PTPRN2: variants seen among roughly 807,000 people sequenced by gnomAD.
The protein encoded by PTPRN2 is receptor-type tyrosine-protein phosphatase N2.
Under a neutral mutation model 118.8 loss-of-function variants are expected in PTPRN2, and 74 were observed. That is an observed-to-expected ratio of 0.62 (90% CI 0.52 to 0.76). PTPRN2 has a LOEUF of 0.76. Ranked by LOEUF, PTPRN2 falls within the 30% of genes least tolerant of loss-of-function variation. The pLI is 0.00. For synonymous variants in PTPRN2, 641 were observed against 608.0 expected (o/e 1.05, Z -0.80); for missense variants, 1,481 against 1,394.4 (o/e 1.06, Z -0.99).
At chr7:157,973,107 A>T (rs947155553) in intron 11 of PTPRN2, among the ~76,000 whole-genome samples, 1 of 152,208 alleles carries the variant, frequency 6.6e-6, no homozygotes, top group Non-Finnish European at 1.5e-5. Flanking sequence ...ATAAGCCTGC[A>T]CTCTGGGCTG....
chr7:158,212,650 T>C (rs946669946), intron 3 of PTPRN2, among the ~76,000 whole-genome samples: 2 of 152,180 alleles, frequency 1.3e-5, no homozygotes, highest in Non-Finnish European at 2.9e-5. Flanking sequence ...TGGAAACATC[T>C]TCCATCTACA....
At chr7:157,545,078 T>G (rs372635109) in intron 22 of PTPRN2, among the ~76,000 whole-genome samples, 1 of 147,590 alleles carries the variant, frequency 6.8e-6, no homozygotes, top group Non-Finnish European at 1.5e-5. Context: ...CATGGGTGTG[T>G]GTGTGGGTGT....
rs182816189 is a variant in PTPRN2, at chr7:158,118,731, T to G, written c.1557-7816A>C. ...TTTCAAGCATGTCAATAATGTCTTC[T>G]TTTTTTGTCGCCCAGGCTGGAGTGC... On this transcript the variant is annotated intron_variant, in intron 9 of 22. Transcript: ENST00000389418. Among the ~76,000 whole-genome samples, 5 of 152,332 alleles carry G rather than the reference T, an allele frequency of 3.3e-5. No individual in the cohort carries two copies. In the East Asian group the frequency reaches 9.6e-4, roughly 29 times the overall value.
intron 6 of PTPRN2, among the ~76,000 whole-genome samples, chr7:158,153,856 G>C (rs1821436441): frequency 2.7e-5 from 4 of 150,924 alleles, no homozygotes; most frequent in Non-Finnish European, 5.9e-5. Flanking sequence ...GGGGGACAGA[G>C]AGCAGCCGGC....
intron 11 of PTPRN2, among the ~76,000 whole-genome samples, chr7:157,966,734 G>A (rs910261522): frequency 4.8e-5 from 7 of 146,456 alleles, no homozygotes; most frequent in Non-Finnish European, 9.0e-5. Context: ...CACCACCATC[G>A]TCTTCATTAT....
Position 157,610,119 on chromosome 7 carries a change from A to G in PTPRN2, c.2345-6044T>C, listed in dbSNP as rs1428856739. 6.6e-6 allele frequency among the ~76,000 whole-genome samples: 1 copy of G among 152,182 alleles called. No homozygotes were observed. The highest frequency in any genetic ancestry group is 1.5e-5 in the Non-Finnish European group (1 of 68,028). ...GTCCACACTCAGGAAGCTGCTCTGC[A>G]GGGCCAAGAATCTGCCTCCCACCAG... On this transcript the variant is annotated intron_variant, in intron 15 of 22. Transcript: ENST00000389418. This position sits in a 1 kb window ranked among gnomAD's most constrained non-coding sequence, Gnocchi z 5.1.
intron 1 of PTPRN2, among the ~76,000 whole-genome samples, chr7:158,576,191 C>T (rs998516464): frequency 1.1e-4 from 16 of 152,160 alleles, no homozygotes; most frequent in African/African-American, 3.9e-4. Flanking sequence ...AGCTGTGTGT[C>T]TGCAAACACA....
chr7:157,797,012 C>A (rs149692704), intron 12 of PTPRN2, among the ~76,000 whole-genome samples: 1 of 152,174 alleles, frequency 6.6e-6, no homozygotes, highest in Non-Finnish European at 1.5e-5. Flanking sequence ...GCCGCTCAGA[C>A]GAACTCACGG....
intron 11 of PTPRN2, among the ~76,000 whole-genome samples, chr7:158,047,410 G>A (rs968638863): frequency 5.9e-5 from 9 of 152,256 alleles, no homozygotes; most frequent in African/African-American, 2.2e-4. Context: ...AAAGAGGCTG[G>A]AGCCACTGCA....
intron 1 of PTPRN2, among the ~76,000 whole-genome samples, chr7:158,507,199 A>G (rs999921701): frequency 6.6e-6 from 1 of 152,258 alleles, no homozygotes; most frequent in African/African-American, 2.4e-5. Flanking sequence ...AGGACCGTCC[A>G]GGGGACAGCC....
At position 157,674,606 on chromosome 7, in the gene PTPRN2, C is replaced by A. The variant is rs1326802010; in HGVS notation, c.2001+8119G>T. On this transcript the variant is annotated intron_variant, in intron 13 of 22. Transcript: ENST00000389418. The surrounding 1 kb of genome is among the most constrained non-coding windows in gnomAD (Gnocchi z 4.5). Reference sequence around the variant, plus strand: ...ATTTTTGACAGGCTAATGCATTTCACCACAGATAATGCCATTCACCACAGA... The same window carrying A: ...ATTTTTGACAGGCTAATGCATTTCAACACAGATAATGCCATTCACCACAGA... 1.3e-5 allele frequency among the ~76,000 whole-genome samples: 2 copies of A among 152,210 alleles called. No individual in the cohort carries two copies. The highest frequency in any genetic ancestry group is 2.9e-5 in the Non-Finnish European group (2 of 68,026).
At chr7:158,116,393 G>A (rs1025623195) in intron 9 of PTPRN2, among the ~76,000 whole-genome samples, 5 of 152,240 alleles carry the variant, frequency 3.3e-5, no homozygotes, top group African/African-American at 1.2e-4. Context: ...GAAGCCTAAT[G>A]AAGGCCTCCG....
chr7:157,713,828 C>A (rs2159471), intron 12 of PTPRN2, among the ~76,000 whole-genome samples: 64,928 of 152,042 alleles, frequency 0.43, 14,103 homozygotes, highest in South Asian at 0.58. Context: ...CTGGTGAGAG[C>A]CCCACGAAGC....
In PTPRN2 at chr7:158,110,686, C is replaced by A. The variant is rs952051345; in HGVS notation, c.1643+143G>T. 1.3e-4 allele frequency: 94 copies of A among 748,312 alleles called. No individual in the cohort carries two copies. In the East Asian group the frequency reaches 2.6e-3, roughly 20 times the overall value. 46.4% of individuals were successfully genotyped at this position (748,312 alleles called of 1,614,324 possible). A position where few individuals can be genotyped will look rare whatever the true frequency, so the allele number is the denominator to read the frequency against. On this transcript the variant is annotated intron_variant, in intron 10 of 22. Transcript: ENST00000389418. ...ACTGCCTCTAAATAACTTACCAAAGCTGCTGAAATCACCTTTCACTTCTCT... is the reference window on the plus strand; with the variant it reads ...ACTGCCTCTAAATAACTTACCAAAGATGCTGAAATCACCTTTCACTTCTCT...
intron 9 of PTPRN2, among the ~76,000 whole-genome samples, chr7:158,132,623 C>T (rs1258917278): frequency 6.6e-6 from 1 of 152,034 alleles, no homozygotes; most frequent in Non-Finnish European, 1.5e-5. Context: ...AACATACACA[C>T]TCATATACAC....
chr7:157,842,698 T>C (rs1432975843), intron 12 of PTPRN2, among the ~76,000 whole-genome samples: 1 of 152,122 alleles, frequency 6.6e-6, no homozygotes, highest in Non-Finnish European at 1.5e-5. Flanking sequence ...CTTTCTCATC[T>C]GGCCTCACAA....
At chr7:157,895,319 G>A (rs1156963482) in intron 12 of PTPRN2, among the ~76,000 whole-genome samples, 4 of 151,062 alleles carry the variant, frequency 2.6e-5, no homozygotes, top group South Asian at 2.1e-4. Flanking sequence ...GGATCTGGAC[G>A]AGACCATAAA....
intron 11 of PTPRN2, among the ~76,000 whole-genome samples, chr7:158,007,477 G>C (rs994545438): frequency 1.3e-5 from 2 of 152,168 alleles, no homozygotes; most frequent in Admixed American, 6.5e-5. Context: ...AGTGATGGAG[G>C]GGACCCAGAC....
chr7:158,193,132 C>G (rs1027449061), intron 4 of PTPRN2, among the ~76,000 whole-genome samples: 1 of 152,222 alleles, frequency 6.6e-6, no homozygotes, highest in African/African-American at 2.4e-5. Context: ...ACGCCGGAGG[C>G]TAGAAGGACA....
Sources: allele counts gnomAD v4.1 joint callset (sites outside exome capture counted in the v4.1 genomes callset), GRCh38; gene constraint gnomAD v4.1.1; non-coding constraint Gnocchi (gnomAD v3.1); transcripts MANE v1.5; gene names NCBI Gene and HGNC (gene_info 2026-07-23, HGNC 2026-07-21).